Variants in GYG2 observed in about 807,000 individuals in gnomAD.
The protein encoded by GYG2 is glycogenin 2.
GYG2 carries 29 observed loss-of-function variants against 29.4 expected under a neutral mutation model. The observed-to-expected ratio is 0.99, with a 90% CI of 0.74 to 1.35. The LOEUF (loss-of-function observed/expected upper bound fraction) is 1.35. Ranked by LOEUF, GYG2 falls within the 40% of genes most tolerant of loss-of-function variation. GYG2 has a pLI of 0.00. For missense variants in GYG2, 370 were observed against 385.7 expected (o/e 0.96, Z 0.34); for synonymous variants, 167 against 172.3 (o/e 0.97, Z 0.24).
At chrX:2,863,481 A>T (rs1156462925) in intron 8 of GYG2, among the ~76,000 whole-genome samples, 1 of 112,112 alleles carries the variant, frequency 8.9e-6, no homozygotes, top group Non-Finnish European at 1.9e-5. Context: ...AAGGAAAGTG[A>T]TTCTTTTCTG....
chrX:2,848,493 G>A (rs1275432027), intron 3 of GYG2, among the ~76,000 whole-genome samples: 2 of 95,825 alleles, frequency 2.1e-5, no homozygotes, highest in Non-Finnish European at 4.0e-5. Context: ...AGCCCAGATC[G>A]CGCCACCTGC....
intron 3 of GYG2, among the ~76,000 whole-genome samples, chrX:2,847,924 G>T (rs2087779865): frequency 2.7e-5 from 3 of 111,620 alleles, no homozygotes; most frequent in Non-Finnish European, 5.6e-5. Context: ...CCGCCCACCA[G>T]ATGCCGGCAG....
At chrX:2,856,674 A>C in intron 6 of GYG2, 50 bp downstream of exon 6, 2 of 1,093,700 alleles carry the variant, frequency 1.8e-6, no homozygotes, top group Non-Finnish European at 2.5e-6. Context: ...CTACCGATCC[A>C]CCTTCCCTCC....
At chrX:2,876,907 T>A (rs1204037053) in intron 9 of GYG2, among the ~76,000 whole-genome samples, 1 of 110,198 alleles carries the variant, frequency 9.1e-6, no homozygotes, top group East Asian at 2.9e-4. Flanking sequence ...CGAGATCACG[T>A]CACTGCACTC....
intron 10 of GYG2, among the ~76,000 whole-genome samples, chrX:2,879,711 A>G (rs1394060451): frequency 8.9e-6 from 1 of 112,512 alleles, no homozygotes; most frequent in African/African-American, 3.2e-5. Context: ...GATGATAGAT[A>G]GGTAGATAGG....
At chrX:2,874,465 T>C (rs2088549612) in intron 8 of GYG2, among the ~76,000 whole-genome samples, 1 of 112,816 alleles carries the variant, frequency 8.9e-6, no homozygotes, top group African/African-American at 3.2e-5. Context: ...GTGAGGTCTC[T>C]TGATAACATT....
chrX:2,869,417 C>T (rs1235841733), intron 8 of GYG2, among the ~76,000 whole-genome samples: 1 of 111,346 alleles, frequency 9.0e-6, no homozygotes, highest in Admixed American at 9.6e-5. Context: ...TTAATTCGTA[C>T]TCCCGGTGGT....
At chrX:2,847,919 C>T (rs1382339218) in intron 3 of GYG2, among the ~76,000 whole-genome samples, 2 of 111,510 alleles carry the variant, frequency 1.8e-5, no homozygotes, top group African/African-American at 6.5e-5. Flanking sequence ...GGGCTCCGCC[C>T]ACCAGATGCC....
chrX:2,869,466 T>C (rs2088400784), intron 8 of GYG2, among the ~76,000 whole-genome samples: 3 of 111,722 alleles, frequency 2.7e-5, no homozygotes, highest in Admixed American at 9.5e-5. Flanking sequence ...TCACCTGCTG[T>C]CCATTTAGTG....
At chrX:2,877,502 T>A (rs1222996954) in intron 10 of GYG2, 195 bp downstream of exon 10, 1 of 1,050,516 alleles carries the variant, frequency 9.5e-7, no homozygotes. Context: ...ATCGGCCGAC[T>A]CTCTTTTGCC....
At position 2,847,847 on chromosome X, in the gene GYG2, G is replaced by T. The variant is rs183973166; in HGVS notation, c.149+4493G>T. On this transcript the variant is annotated intron_variant, in intron 3 of 10. Coordinates refer to ENST00000398806, the MANE Select transcript of GYG2 (RefSeq NM_001079855.2). ...AGTTTCTCAGCACTGCTGCTATCTG[G>T]GACTGGAGGGTTCCATGTGGTGGGG... is the stretch of plus-strand genomic sequence containing the variant. Among the ~76,000 whole-genome samples the T allele has an allele frequency of 4.7e-3, 531 of 112,310 alleles. 4 individuals are homozygous for T. Among genetic ancestry groups the T allele is most frequent in the Non-Finnish European group, 7.2e-3 (384 of 53,213 alleles).
rs763084011 is a variant in GYG2 at position 2,861,604 on chromosome X, CG to C, written c.923del (p.Gly308AlafsTer24). 1.7e-6 allele frequency: 2 copies of C among 1,205,385 alleles called. No homozygotes were observed. Among genetic ancestry groups the C allele is most frequent in the Admixed American group, 4.4e-5 (2 of 45,873 alleles). ...GEPCENSTPS[A>X]GVPCANSPLG... is the part of the protein sequence containing the mutation. ...CCGTGTGAAAATTCAACACCCAGTGCGGGCGTGCCGTGTGCAAATTCACCAC... is the reference window on the plus strand; with the variant it reads ...CCGTGTGAAAATTCAACACCCAGTGCGGCGTGCCGTGTGCAAATTCACCAC... On this transcript the variant is annotated frameshift_variant, in exon 8 of 11. Transcript: ENST00000398806. LOFTEE classifies it high-confidence loss of function.
Position 2,855,049 on chromosome X carries a change from C to T in GYG2, c.381C>T (p.Asp127=), listed in dbSNP as rs147757656. ...GGGGAGAGTTTTCTGCGGCCCCGGA[C>T]CCCGGATGGCCGGATTGCTTCAATA... The part of the protein sequence containing the change: ...FDRGEFSAAP[D]PGWPDCFNSG... The change falls in exon 5 of 11, where the codon GAC becomes GAT. Residue 127 remains aspartate, a synonymous_variant. Coordinates refer to ENST00000398806, the MANE Select transcript of GYG2 (RefSeq NM_001079855.2). The T allele has an allele frequency of 1.2e-5, 15 of 1,209,171 alleles. No homozygotes were observed. The African/African-American group carries it at 2.1e-4, about 17-fold the overall frequency.
chrX:2,877,248 CCAAGCCAGGAA>C lies in GYG2; in HGVS notation c.1194_1204del (p.Ser399ProfsTer3). The C allele has an allele frequency of 5.0e-6, 6 of 1,210,481 alleles. No individual in the cohort carries two copies. Among genetic ancestry groups the C allele is most frequent in the Middle Eastern group, 2.3e-4 (1 of 4,353 alleles). On this transcript the variant is annotated frameshift_variant, in exon 10 of 11. Coordinates refer to ENST00000398806, the MANE Select transcript of GYG2 (RefSeq NM_001079855.2). LOFTEE classifies it high-confidence loss of function. ...TGTCTCATCCGAGGAAACCTTCGAACCAAGCCAGGAACTCCCTGCTGAGGCTCTCAGGGACC... is the reference window on the plus strand; with the variant it reads ...TGTCTCATCCGAGGAAACCTTCGAACCTCCCTGCTGAGGCTCTCAGGGACC...
Position 2,843,733 on chromosome X carries a change from G to A in GYG2, c.149+379G>A, listed in dbSNP as rs562981971. 3.2e-4 allele frequency among the ~76,000 whole-genome samples: 36 copies of A among 111,805 alleles called. 1 individual carries two copies. In the South Asian group the frequency reaches 0.011, roughly 33 times the overall value. On this transcript the variant is annotated intron_variant, in intron 3 of 10. Transcript: ENST00000398806. ...CAACCTCTCCCTCCCAGGCTCAAGC[G>A]ATCTTCCCTCCTCAGCCTTCTAAGT...
chrX:2,881,116 A>G lies in GYG2; in HGVS notation c.1316A>G (p.Glu439Gly). Residue 439 changes from glutamate (E) to glycine (G), a missense_variant, in exon 11 of 11, where the codon GAG (glutamate) becomes GGG (glycine). Coordinates refer to ENST00000398806, the MANE Select transcript of GYG2 (RefSeq NM_001079855.2). ...IEEKVKELSP[E>G]EERRKWEEGR... ...GAGAAGGTGAAGGAATTGAGCCCCG[A>G]GGAAGAGAGGAGGAAGTGGGAGGAA... 1.7e-6 allele frequency: 2 copies of G among 1,207,697 alleles called. No individual in the cohort carries two copies. The highest frequency in any genetic ancestry group is 3.0e-5 in the East Asian group (1 of 33,762).
intron 2 of GYG2, among the ~76,000 whole-genome samples, chrX:2,837,268 G>T (rs73632939): frequency 2.9e-4 from 33 of 112,020 alleles, no homozygotes; most frequent in Admixed American, 1.4e-3. Context: ...CCTTAAGAGC[G>T]CAGGTCAGTA....
chrX:2,840,917 A>AGATG (rs757744143), intron 2 of GYG2, among the ~76,000 whole-genome samples: 1 of 111,586 alleles, frequency 9.0e-6, no homozygotes, highest in East Asian at 2.8e-4. Flanking sequence ...ATAGGTGGAT[A>AGATG]GATGGATGGA....
intron 6 of GYG2, among the ~76,000 whole-genome samples, 160 bp from the exon 7 acceptor site, chrX:2,859,683 A>T (rs1207522709): frequency 2.7e-5 from 3 of 110,828 alleles, no homozygotes; most frequent in Non-Finnish European, 5.7e-5. Context: ...TACTATGCTG[A>T]TAGTAGTAGT....
Sources: gnomAD v4.1 joint callset for allele counts (sites outside exome capture counted in the v4.1 genomes callset) on GRCh38, gnomAD v4.1.1 for gene constraint, MANE v1.5 for transcripts, NCBI Gene and HGNC (gene_info 2026-07-23, HGNC 2026-07-21) for gene names.